The following HERC6 variants were observed in gnomAD, a reference collection of about 807,000 sequenced individuals.
HERC6 encodes HECT and RLD domain containing E3 ubiquitin protein ligase family member 6, also known as probable E3 ubiquitin-protein ligase HERC6.
A neutral mutation model predicts 114.5 loss-of-function variants in HERC6; 101 were observed. The ratio of observed to expected loss-of-function variants is 0.88; its 90% CI spans 0.75 to 1.04. The LOEUF (loss-of-function observed/expected upper bound fraction) is 1.04, where lower values mean the gene tolerates loss of function less well. Ranked by LOEUF, HERC6 falls within the 50% of genes least tolerant of loss-of-function variation. HERC6 has a pLI of 0.00. For synonymous variants in HERC6, 408 were observed against 436.2 expected (o/e 0.94, Z 0.81); for missense variants, 1,133 against 1,230.9 (o/e 0.92, Z 1.19).
chr4:88,407,526 A>G (rs1380142791), intron 10 of HERC6, among the ~76,000 whole-genome samples: 3 of 151,894 alleles, frequency 2.0e-5, no homozygotes, highest in South Asian at 2.1e-4. Context: ...CAGCCTCACA[A>G]GTAGCTGGGA....
chr4:88,412,524 A>G (rs1277438186), intron 11 of HERC6, among the ~76,000 whole-genome samples: 1 of 152,182 alleles, frequency 6.6e-6, no homozygotes. Flanking sequence ...TCAACCAAGG[A>G]GCTTGAGGCT....
At chr4:88,395,966 G>A in intron 5 of HERC6, 49 bp from the exon 6 acceptor site, 3 of 1,526,446 alleles carry the variant, frequency 2.0e-6, no homozygotes, top group Non-Finnish European at 1.8e-6. Context: ...TAAGCTTTTA[G>A]TTACCTTGTT....
At position 88,431,165 on chromosome 4, in the gene HERC6, G is replaced by C. The variant is rs1397131681; in HGVS notation, c.2110G>C (p.Glu704Gln). ...ATDFCKVLVV[E>Q]FINEICPESG... ...GGACTATGTTCTCTTTCCTTAGGTT[G>C]AATTTATTAATGAAATTTGTCCTGA... The change falls in exon 17 of 23, where the codon GAA becomes CAA. Residue 704 changes from glutamate (E) to glutamine (Q), a missense_variant. By Grantham distance (29) the Glu-to-Gln change is conservative (BLOSUM62 2). Transcript: ENST00000264346. The C allele has an allele frequency of 6.2e-7, 1 of 1,605,848 alleles. No homozygotes were observed. The highest frequency in any genetic ancestry group is 1.3e-5 in the African/African-American group (1 of 74,374).
chr4:88,412,136 G>C (rs929082983), intron 11 of HERC6, among the ~76,000 whole-genome samples: 1 of 151,988 alleles, frequency 6.6e-6, no homozygotes, highest in African/African-American at 2.4e-5. Flanking sequence ...TAAAAACAAG[G>C]TAAAACACAA....
chr4:88,426,621 A>G (rs1737657777), intron 15 of HERC6, among the ~76,000 whole-genome samples: 1 of 151,500 alleles, frequency 6.6e-6, no homozygotes, highest in African/African-American at 2.4e-5. Context: ...CTGGGATTAC[A>G]GGCACCCACC....
chr4:88,416,215 A>C (rs1736457991), intron 12 of HERC6, among the ~76,000 whole-genome samples: 1 of 152,222 alleles, frequency 6.6e-6, no homozygotes, highest in Non-Finnish European at 1.5e-5. Flanking sequence ...AGTGGGTTGA[A>C]GTGCACCAGC....
intron 11 of HERC6, 50 bp from the exon 12 acceptor site, chr4:88,413,027 C>T (rs769071815): frequency 7.5e-7 from 1 of 1,330,758 alleles, no homozygotes; most frequent in South Asian, 1.4e-5. Context: ...TCACAATCCT[C>T]TGTATCTAAT....
chr4:88,386,503 G>A (rs1560533435), intron 3 of HERC6, among the ~76,000 whole-genome samples: 2 of 152,118 alleles, frequency 1.3e-5, no homozygotes, highest in African/African-American at 4.8e-5. Context: ...ACTGTGCCCG[G>A]TCCCCAATTT....
intron 1 of HERC6, among the ~76,000 whole-genome samples, chr4:88,380,298 AATATATATATAATATATAAAT>A (rs1397263433): frequency 0.12 from 2,117 of 17,860 alleles, 434 homozygotes; most frequent in African/African-American, 0.19. Context: ...ATAATATATA[AATATATATATAATATATAAAT>A]ATATATATAA....
intron 10 of HERC6, among the ~76,000 whole-genome samples, chr4:88,406,001 T>C (rs1160190061): frequency 1.3e-5 from 2 of 152,258 alleles, no homozygotes. Flanking sequence ...ATTTATGTTG[T>C]CTTTAACTCA....
At chr4:88,426,192 G>C (rs1047798649) in intron 15 of HERC6, among the ~76,000 whole-genome samples, 2 of 152,122 alleles carry the variant, frequency 1.3e-5, no homozygotes, top group Non-Finnish European at 2.9e-5. Flanking sequence ...TTTTGAGACA[G>C]AGTTTTGCTC....
intron 1 of HERC6, among the ~76,000 whole-genome samples, chr4:88,381,808 G>A (rs1314031212): frequency 2.0e-5 from 3 of 151,816 alleles, no homozygotes; most frequent in Non-Finnish European, 2.9e-5. Context: ...CACCCGCCTC[G>A]GCCTCCCAAA....
At chr4:88,431,426 G>A (rs1191942769) in intron 17 of HERC6, 121 bp downstream of exon 17, 4 of 1,159,534 alleles carry the variant, frequency 3.4e-6, no homozygotes, top group Non-Finnish European at 3.6e-6. Flanking sequence ...CTCATATTTT[G>A]AGTAGTACTC....
At chr4:88,399,061 T>C (rs1312009301) in intron 8 of HERC6, 3 of 152,230 alleles carry the variant, frequency 2.0e-5, no homozygotes, top group African/African-American at 4.8e-5. Context: ...GGGTGAGTTC[T>C]GAAATATGTT....
intron 8 of HERC6, among the ~76,000 whole-genome samples, chr4:88,399,981 G>T (rs1481073139): frequency 6.6e-6 from 1 of 152,156 alleles, no homozygotes; most frequent in African/African-American, 2.4e-5. Flanking sequence ...AGCCTGTGAG[G>T]CAAGAATGAG....
chr4:88,417,680 G>T, intron 13 of HERC6, 101 bp downstream of exon 13: 1 of 940,648 alleles, frequency 1.1e-6, no homozygotes, highest in Non-Finnish European at 1.5e-6. Flanking sequence ...AAAATCATGA[G>T]GAGTCAAATG....
At chr4:88,417,704 T>A in intron 13 of HERC6, 125 bp downstream of exon 13, 1 of 726,486 alleles carries the variant, frequency 1.4e-6, no homozygotes, top group Non-Finnish European at 2.1e-6. Flanking sequence ...TTTAAAGGAG[T>A]ATAGAAAAGG....
At chr4:88,397,215 C>T (rs999607464) in intron 7 of HERC6, among the ~76,000 whole-genome samples, 2 of 151,732 alleles carry the variant, frequency 1.3e-5, no homozygotes, top group East Asian at 2.0e-4. Context: ...TGGGTTCAAG[C>T]GATTCTCCTG....
rs374291346 is a variant in HERC6 at position 88,436,963 on chromosome 4, C to T, written c.2476C>T (p.Arg826Cys). ...ADDIGDALCI[R>C]FSIHWDQNDV... ...TGACATTGGAGATGCGCTCTGCATA[C>T]GCTTTTCTGTGAGTACTAATGAAAG... Residue 826 changes from arginine (R) to cysteine (C), a missense_variant, in exon 19 of 23, where the codon CGC becomes TGC. By Grantham distance (180) the Arg-to-Cys change is radical (BLOSUM62 -3). Around this residue, in one of 3 missense-constraint regions of HERC6, gnomAD observed 388 missense variants for 445.9 expected, o/e 0.87. Transcript: ENST00000264346. 107 of 1,598,486 alleles carry T rather than the reference C, an allele frequency of 6.7e-5. No individual in the cohort carries two copies. The highest frequency in any genetic ancestry group is 8.2e-5 in the Non-Finnish European group (96 of 1,171,400).
Sources: gnomAD v4.1 joint callset for allele counts (sites outside exome capture counted in the v4.1 genomes callset) on GRCh38, gnomAD v4.1.1 for gene constraint, gnomAD v4.1.1 regional missense constraint, MANE v1.5 for transcripts, NCBI Gene and HGNC (gene_info 2026-07-23, HGNC 2026-07-21) for gene names.